The following MOGAT3 variants were observed in gnomAD, a reference collection of about 807,000 sequenced individuals.
The protein encoded by MOGAT3 is 2-acylglycerol O-acyltransferase 3.
In MOGAT3, 39 loss-of-function variants were observed where a neutral mutation model predicts 34.4. The observed-to-expected ratio is 1.13, with a 90% CI of 0.88 to 1.48. The LOEUF (loss-of-function observed/expected upper bound fraction) is 1.48, where lower values mean the gene tolerates loss of function less well. Ranked by LOEUF, MOGAT3 falls within the 40% of genes most tolerant of loss-of-function variation. MOGAT3 has a pLI of 0.00. For missense variants in MOGAT3, 439 were observed against 438.9 expected, an observed-to-expected ratio of 1.00 and a Z score of 0.00; for synonymous variants, 209 against 179.2, an observed-to-expected ratio of 1.17 and a Z score of -1.33.
intron 4 of MOGAT3, 47 bp downstream of exon 4, chr7:101,198,579 A>G (rs768999317): frequency 6.3e-7 from 1 of 1,575,108 alleles, no homozygotes; most frequent in African/African-American, 1.4e-5. Flanking sequence ...GCTGGGGAAC[A>G]TCTGGTCAGG....
chr7:101,195,817 T>C lies in MOGAT3; in HGVS notation c.*129A>G. The C allele has an allele frequency of 9.6e-7, 1 of 1,041,878 alleles. No individual in the cohort carries two copies. Among genetic ancestry groups the C allele is most frequent in the Non-Finnish European group, 1.4e-6 (1 of 707,682 alleles). The allele number at this position is 1,041,878 out of a possible 1,614,324, so 64.5% of individuals were successfully genotyped here. A position where few individuals can be genotyped will look rare whatever the true frequency, so the allele number is the denominator to read the frequency against. Reference sequence around the variant, plus strand: ...ATCCTCCCACCTTGGCCTCCCAAAGTGCTGGGATTACAGGCATGAGGCACT... The same window carrying C: ...ATCCTCCCACCTTGGCCTCCCAAAGCGCTGGGATTACAGGCATGAGGCACT... On this transcript the variant is annotated 3_prime_UTR_variant, in exon 7 of 7. Transcript: ENST00000223114.
chr7:101,199,338 G>C (rs1298566425), intron 3 of MOGAT3, among the ~76,000 whole-genome samples: 1 of 151,168 alleles, frequency 6.6e-6, no homozygotes, highest in Non-Finnish European at 1.5e-5. Context: ...TTGAGGCAGA[G>C]TTTTGCTCCT....
chr7:101,198,002 G>GC (rs1797840600), intron 5 of MOGAT3, among the ~76,000 whole-genome samples, 189 bp downstream of exon 5: 1 of 152,246 alleles, frequency 6.6e-6, no homozygotes, highest in Admixed American at 6.5e-5. Flanking sequence ...GTGGGAGGGA[G>GC]CTTAGGGTAA....
Position 101,196,340 on chromosome 7 carries a change from G to T in MOGAT3, c.718C>A (p.Leu240Ile), listed in dbSNP as rs916467363. 6.2e-7 allele frequency: 1 copy of T among 1,613,938 alleles called. No homozygotes were observed. The highest frequency in any genetic ancestry group is 1.3e-5 in the African/African-American group (1 of 75,012). The change falls in exon 6 of 7, where the codon CTT becomes ATT. Residue 240 changes from leucine to isoleucine, a missense_variant. Coordinates refer to ENST00000223114, the MANE Select transcript of MOGAT3 (RefSeq NM_178176.4). ...YSFGENDIFR[L>I]KAFATGSWQH... ...CAGGAGCCTGTGGCAAAAGCCTTAAGTCTAAAGATGTCATTCTCCCCAAAG... is the reference window on the plus strand; with the variant it reads ...CAGGAGCCTGTGGCAAAAGCCTTAATTCTAAAGATGTCATTCTCCCCAAAG...
intron 3 of MOGAT3, among the ~76,000 whole-genome samples, chr7:101,199,719 A>G (rs1001381775): frequency 5.3e-5 from 8 of 151,020 alleles, no homozygotes; most frequent in Admixed American, 2.6e-4. Flanking sequence ...GGCTCAAGCA[A>G]TCCTCCCACC....
At chr7:101,198,438 G>T in intron 4 of MOGAT3, 73 bp from the exon 5 acceptor site, 2 of 1,448,334 alleles carry the variant, frequency 1.4e-6, no homozygotes, top group South Asian at 1.4e-5. Context: ...CCAGCCTTTA[G>T]TTCCAAGCCC....
Position 101,196,065 on chromosome 7 carries a change from G to T in MOGAT3, c.907C>A (p.Pro303Thr). Reference sequence around the variant, plus strand: ...TAGTGATTGACTTCCTCCTCGGTGGGGTGGAGGCGCTGGGGGACGGGGATG... The same window carrying T: ...TAGTGATTGACTTCCTCCTCGGTGGTGTGGAGGCGCTGGGGGACGGGGATG... ...RPIPVPQRLH[P>T]TEEEVNHYHA... The change falls in exon 7 of 7, where the codon CCC (proline) becomes ACC (threonine). Residue 303 changes from proline to threonine, a missense_variant. Coordinates refer to ENST00000223114, the MANE Select transcript of MOGAT3 (RefSeq NM_178176.4). The T allele has an allele frequency of 6.2e-7, 1 of 1,613,356 alleles. No individual in the cohort carries two copies. Among genetic ancestry groups the T allele is most frequent in the Non-Finnish European group, 8.5e-7 (1 of 1,179,560 alleles).
rs755713174 is a variant in MOGAT3, at chr7:101,200,412, G to A, written c.213C>T (p.Asn71=). The change falls in exon 2 of 7, where the codon AAC becomes AAT. Residue 71 remains asparagine (N), a synonymous_variant. Transcript: ENST00000223114. Reference sequence around the variant, plus strand: ...GGGCCCCCATCCGGAGCTCACCTTGGTTGGGTGTGTCCCAGTCCACATAGA... The same window carrying A: ...GGGCCCCCATCCGGAGCTCACCTTGATTGGGTGTGTCCCAGTCCACATAGA... ...VWLYVDWDTP[N]QGGRRSEWIR... 1 of 1,613,212 alleles carries A rather than the reference G, an allele frequency of 6.2e-7. No homozygotes were observed. Among genetic ancestry groups the A allele is most frequent in the South Asian group, 1.1e-5 (1 of 91,046 alleles).
Position 101,200,465 on chromosome 7 carries a change from G to A in MOGAT3, c.160C>T (p.Pro54Ser), listed in dbSNP as rs866754538. Residue 54 changes from proline (P) to serine (S), a missense_variant, in exon 2 of 7, where the codon CCC (proline) becomes TCC (serine). Coordinates refer to ENST00000223114, the MANE Select transcript of MOGAT3 (RefSeq NM_178176.4). ...CACACCAAGTAAAAAACAGAGAAGG[G>A]CCAGAGTGACGTGAAGAGGAGGACA... ...VFVLLFTSLW[P>S]FSVFYLVWLY... The A allele has an allele frequency of 6.2e-7, 1 of 1,608,962 alleles. No individual in the cohort carries two copies. Among genetic ancestry groups the A allele is most frequent in the African/African-American group, 1.3e-5 (1 of 74,912 alleles).
chr7:101,199,447 G>A (rs796504491), intron 3 of MOGAT3, among the ~76,000 whole-genome samples: 46 of 152,126 alleles, frequency 3.0e-4, no homozygotes, highest in African/African-American at 1.1e-3. Context: ...AGAGTAGCTG[G>A]GATTACAGGC....
At chr7:101,196,562 TTC>T (rs1797793231) in intron 5 of MOGAT3, among the ~76,000 whole-genome samples, 173 bp from the exon 6 acceptor site, 3 of 152,208 alleles carry the variant, frequency 2.0e-5, no homozygotes, top group Admixed American at 2.0e-4. Context: ...TCGCATTTCT[TTC>T]TCTTTCTTTT....
At chr7:101,194,003 TTGTC>T (rs1797728677), downstream of MOGAT3, among the ~76,000 whole-genome samples, 1 of 151,984 alleles carries the variant, frequency 6.6e-6, no homozygotes, top group African/African-American at 2.4e-5. Flanking sequence ...CTCTTTTTGT[TTGTC>T]TGTTTGAGAC....
Position 101,196,053 on chromosome 7 carries a change from C to T in MOGAT3, c.919G>A (p.Glu307Lys), listed in dbSNP as rs1285445769. The T allele has an allele frequency of 6.2e-7, 1 of 1,613,748 alleles. No individual in the cohort carries two copies. The highest frequency in any genetic ancestry group is 1.3e-5 in the African/African-American group (1 of 74,920). Residue 307 changes from glutamate to lysine, a missense_variant, in exon 7 of 7, where the codon GAA becomes AAA. Physicochemically the swap from Glu to Lys is moderately conservative, Grantham distance 56. Transcript: ENST00000223114. ...VPQRLHPTEE[E>K]VNHYHALYMT... ...TAGAGGGCGTGATAGTGATTGACTT[C>T]CTCCTCGGTGGGGTGGAGGCGCTGG...
rs1797786780 is a variant in MOGAT3 at position 101,196,349 on chromosome 7, T to C, written c.709A>G (p.Ile237Val). 3 of 1,613,810 alleles carry C rather than the reference T, an allele frequency of 1.9e-6. No individual in the cohort carries two copies. The highest frequency in any genetic ancestry group is 2.5e-6 in the Non-Finnish European group (3 of 1,179,888). ...GTGGCAAAAGCCTTAAGTCTAAAGA[T>C]GTCATTCTCCCCAAAGGAGTACACG... ...VPVYSFGEND[I>V]FRLKAFATGS... The change falls in exon 6 of 7, where the codon ATC becomes GTC. Residue 237 changes from isoleucine (I) to valine (V), a missense_variant. Physicochemically the swap from Ile to Val is conservative, Grantham distance 29 (BLOSUM62 3). Transcript: ENST00000223114.
At position 101,200,768 on chromosome 7, in the gene MOGAT3, A is replaced by G. The variant is rs1254347587; in HGVS notation, c.87T>C (p.Tyr29=). 1.9e-6 allele frequency: 3 copies of G among 1,614,064 alleles called. No individual in the cohort carries two copies. Among genetic ancestry groups the G allele is most frequent in the Non-Finnish European group, 2.5e-6 (3 of 1,179,960 alleles). ...CACCCATGAAGAGGAAAGTGAGCAC[A>G]TATTGGTAGGCGCCCACTGCTTCTA... ...QHLEAVGAYQ[Y]VLTFLFMGPF... is the part of the protein sequence containing the mutation. The change falls in exon 1 of 7, where the codon TAT becomes TAC. Residue 29 remains tyrosine, a synonymous_variant. Transcript: ENST00000223114.
At chr7:101,200,717 C>G in intron 1 of MOGAT3, 29 bp downstream of exon 1, 2 of 1,594,302 alleles carry the variant, frequency 1.3e-6, no homozygotes, top group Non-Finnish European at 1.7e-6. Context: ...CTGGCAGACC[C>G]CAGGCACCCA....
At position 101,196,554 on chromosome 7, in the gene MOGAT3, G is replaced by A. The variant is rs566265159; in HGVS notation, c.669-165C>T. 7.9e-5 allele frequency among the ~76,000 whole-genome samples: 12 copies of A among 152,282 alleles called. No homozygotes were observed. The South Asian group carries it at 8.3e-4, about 11-fold the overall frequency. ...AAGAAAGATCTAGAAGACAGGACTC[G>A]CATTTCTTTCTCTTTCTTTTTCTTT... On this transcript the variant is annotated intron_variant, in intron 5 of 6. Coordinates refer to ENST00000223114, the MANE Select transcript of MOGAT3 (RefSeq NM_178176.4).
At chr7:101,193,533 A>C (rs576806325), downstream of MOGAT3, among the ~76,000 whole-genome samples, 146 of 151,924 alleles carry the variant, frequency 9.6e-4, 1 homozygote, top group African/African-American at 3.4e-3. Context: ...GGTTCAAGCG[A>C]TTCTCCTGCC....
At chr7:101,198,900 C>G in intron 3 of MOGAT3, 70 bp from the exon 4 acceptor site, 1 of 1,401,784 alleles carries the variant, frequency 7.1e-7, no homozygotes, top group Admixed American at 1.7e-5. Flanking sequence ...GGGCCCTCCA[C>G]CCCAACAGAG....
Sources: gnomAD v4.1 joint callset for allele counts (sites outside exome capture counted in the v4.1 genomes callset) on GRCh38, gnomAD v4.1.1 for gene constraint, MANE v1.5 for transcripts, NCBI Gene and HGNC (gene_info 2026-07-23, HGNC 2026-07-21) for gene names.